The following AUTS2 variants were observed in gnomAD, a reference collection of about 807,000 sequenced individuals.
AUTS2 encodes activator of transcription and developmental regulator AUTS2.
In AUTS2, 17 loss-of-function variants were observed where a neutral mutation model predicts 112.4. That is an observed-to-expected ratio of 0.15 (90% CI 0.10 to 0.23). The LOEUF (loss-of-function observed/expected upper bound fraction) is 0.23. Among genes scored for constraint, AUTS2 ranks in the 10% least tolerant of loss-of-function variants. The probability of loss-of-function intolerance (pLI) is 1.00; values close to 1 mark genes in which losing one functional copy is unlikely to be tolerated. For synonymous variants in AUTS2, 751 were observed against 702.7 expected (o/e 1.07, Z -1.09); for missense variants, 1,510 against 1,701.6 (o/e 0.89, Z 1.98).
chr7:70,036,522 T>A (rs886642021), intron 2 of AUTS2, among the ~76,000 whole-genome samples: 2 of 152,224 alleles, frequency 1.3e-5, no homozygotes, highest in Non-Finnish European at 2.9e-5. Context: ...GTTTCCTAGT[T>A]TCCCACCTTG....
intron 4 of AUTS2, among the ~76,000 whole-genome samples, chr7:70,299,927 T>C (rs1298790428): frequency 6.6e-6 from 1 of 152,156 alleles, no homozygotes; most frequent in African/African-American, 2.4e-5. Context: ...ACATGTAGTC[T>C]GATGCATGAT....
chr7:70,706,342 C>A (rs1809736958), intron 6 of AUTS2, among the ~76,000 whole-genome samples: 1 of 152,096 alleles, frequency 6.6e-6, no homozygotes, highest in African/African-American at 2.4e-5. Context: ...GTGGCGTTTC[C>A]AAAAATCTCA....
rs554211881 is a variant in AUTS2 at position 70,189,970 on chromosome 7, T to C, written c.660+55399T>C. Among the ~76,000 whole-genome samples, 32 of 152,284 alleles carry C rather than the reference T, an allele frequency of 2.1e-4. 1 individual carries two copies. The highest frequency in any genetic ancestry group is 4.6e-4 in the Admixed American group (7 of 15,294). ...ATCCGGTACTGATTGTGGTTTGAGGTTGAGCATGTTAAGGATGAATAGTAG... is the reference window on the plus strand; with the variant it reads ...ATCCGGTACTGATTGTGGTTTGAGGCTGAGCATGTTAAGGATGAATAGTAG... On this transcript the variant is annotated intron_variant, in intron 4 of 18. Coordinates refer to ENST00000342771, the MANE Select transcript of AUTS2 (RefSeq NM_015570.4).
chr7:70,682,692 G>A lies in AUTS2; in HGVS notation c.691-15877G>A, dbSNP rs118051036. On this transcript the variant is annotated intron_variant, in intron 5 of 18. Transcript: ENST00000342771. ...CTATTATTGCTTTGTAACAAACCAC[G>A]AATTTGGAGCCTGGAAATACAATGC... is the stretch of plus-strand genomic sequence containing the variant. Among the ~76,000 whole-genome samples, 738 of 152,318 alleles carry A rather than the reference G, an allele frequency of 4.8e-3. 21 individuals are homozygous for A. In the East Asian group the frequency reaches 0.067, roughly 14 times the overall value.
intron 2 of AUTS2, among the ~76,000 whole-genome samples, chr7:70,039,832 A>G (rs1395011648): frequency 6.6e-6 from 1 of 152,226 alleles, no homozygotes; most frequent in African/African-American, 2.4e-5. Flanking sequence ...CTAATTCAGC[A>G]TAATAATTTA....
chr7:70,093,908 A>G (rs1584711941), intron 2 of AUTS2, among the ~76,000 whole-genome samples: 1 of 152,252 alleles, frequency 6.6e-6, no homozygotes, highest in African/African-American at 2.4e-5. Context: ...AACCCTTCAC[A>G]GCTATGTCAG....
chr7:70,775,269 C>G, intron 12 of AUTS2, 88 bp from the exon 13 acceptor site: 2 of 1,061,036 alleles, frequency 1.9e-6, no homozygotes, highest in Non-Finnish European at 2.9e-6. Flanking sequence ...TTTTAATTTC[C>G]CCTCCTAATG....
rs201094921 is a variant in AUTS2, at chr7:70,163,101, G to T, written c.660+28530G>T. Among the ~76,000 whole-genome samples, 9 of 151,982 alleles carry T rather than the reference G, an allele frequency of 5.9e-5. No individual in the cohort carries two copies. In the East Asian group the frequency reaches 1.7e-3, roughly 30 times the overall value. On this transcript the variant is annotated intron_variant, in intron 4 of 18. Transcript: ENST00000342771. ...TAGGCAGGATCAGGTTTGGGAGAGG[G>T]TCAATAGAGAGGAGTGGTGTGCAGC...
rs1188265251 is a variant in AUTS2 at position 70,627,364 on chromosome 7, T to G, written c.691-71205T>G. ...GGTTATTTGTTTTGTGCTTGTTCAG[T>G]TGTTTGAGTTCCTTATAGATTCTGG... On this transcript the variant is annotated intron_variant, in intron 5 of 18. Coordinates refer to ENST00000342771, the MANE Select transcript of AUTS2 (RefSeq NM_015570.4). Among the ~76,000 whole-genome samples the G allele has an allele frequency of 2.6e-5, 4 of 152,256 alleles. No homozygotes were observed. The South Asian group carries it at 6.2e-4, about 24-fold the overall frequency.
At chr7:70,024,290 G>A (rs1800414444) in intron 2 of AUTS2, among the ~76,000 whole-genome samples, 1 of 152,164 alleles carries the variant, frequency 6.6e-6, no homozygotes, top group African/African-American at 2.4e-5. Context: ...AAACAAGCAG[G>A]TACTGGGTGG....
At chr7:70,748,902 A>G (rs1418390889) in intron 6 of AUTS2, among the ~76,000 whole-genome samples, 1 of 152,118 alleles carries the variant, frequency 6.6e-6, no homozygotes. Flanking sequence ...GCCATTTCCA[A>G]TCAATCTGCT....
intron 6 of AUTS2, among the ~76,000 whole-genome samples, chr7:70,705,590 C>G (rs1809693130): frequency 6.6e-6 from 1 of 152,206 alleles, no homozygotes; most frequent in Non-Finnish European, 1.5e-5. Context: ...ATTCCAGACT[C>G]TCCTGAACTC....
At chr7:70,518,188 T>C (rs1394352440) in intron 5 of AUTS2, among the ~76,000 whole-genome samples, 1 of 152,218 alleles carries the variant, frequency 6.6e-6, no homozygotes, top group African/African-American at 2.4e-5. Context: ...GGTCTCCAAA[T>C]GTACTTCTAA....
At chr7:70,775,043 G>T (rs1790599540) in intron 12 of AUTS2, 1 of 394,206 alleles carries the variant, frequency 2.5e-6, no homozygotes, top group Non-Finnish European at 4.5e-6. Flanking sequence ...ACCCGGTGTG[G>T]TTTGGAGCTC....
At chr7:69,894,636 T>C (rs192916408) in intron 1 of AUTS2, among the ~76,000 whole-genome samples, 19 of 152,160 alleles carry the variant, frequency 1.2e-4, no homozygotes, top group African/African-American at 4.3e-4. Context: ...AACGAGAAAA[T>C]TTCTTCTTTC....
intron 2 of AUTS2, among the ~76,000 whole-genome samples, chr7:70,026,976 CA>C (rs1483517410): frequency 1.4e-5 from 2 of 146,812 alleles, no homozygotes; most frequent in Non-Finnish European, 3.0e-5. Context: ...GGTGCAAAAT[CA>C]TTTTTTTTTT....
At chr7:70,519,454 A>G (rs950082543) in intron 5 of AUTS2, among the ~76,000 whole-genome samples, 3 of 152,234 alleles carry the variant, frequency 2.0e-5, no homozygotes, top group African/African-American at 7.2e-5. Flanking sequence ...CCCAACCAAG[A>G]ACCAGGGAAC....
chr7:70,036,045 A>G (rs969723319), intron 2 of AUTS2, among the ~76,000 whole-genome samples: 4 of 152,216 alleles, frequency 2.6e-5, no homozygotes, highest in Non-Finnish European at 4.4e-5. Context: ...ACTGCTTTGA[A>G]TGGGGGAAGG....
At chr7:70,221,887 C>CA (rs564436825) in intron 4 of AUTS2, among the ~76,000 whole-genome samples, 2 of 151,908 alleles carry the variant, frequency 1.3e-5, no homozygotes, top group Non-Finnish European at 2.9e-5. Flanking sequence ...AACTGTGTCT[C>CA]AAAAAAATAA....
Sources: allele counts gnomAD v4.1 joint callset (sites outside exome capture counted in the v4.1 genomes callset), GRCh38; gene constraint gnomAD v4.1.1; transcripts MANE v1.5; gene names NCBI Gene and HGNC (gene_info 2026-07-23, HGNC 2026-07-21).